The following PCDH15 variants were observed in gnomAD, a reference collection of about 807,000 sequenced individuals.
The protein encoded by PCDH15 is protocadherin-15.
A neutral mutation model predicts 178.5 loss-of-function variants in PCDH15; 129 were observed. The ratio of observed to expected loss-of-function variants is 0.72; its 90% CI spans 0.63 to 0.84. PCDH15 has a LOEUF of 0.84. Among genes scored for constraint, PCDH15 ranks in the 40% least tolerant of loss-of-function variants. PCDH15 has a pLI of 0.00. For synonymous variants in PCDH15, 800 were observed against 732.0 expected (o/e 1.09, Z -1.50); for missense variants, 2,230 against 2,099.9 (o/e 1.06, Z -1.21).
chr10:53,849,602 T>C (rs185828128), intron 28 of PCDH15, among the ~76,000 whole-genome samples: 45 of 152,216 alleles, frequency 3.0e-4, no homozygotes, highest in African/African-American at 1.1e-3. Context: ...CGGTGGCTCA[T>C]GCCTGTAATC....
chr10:54,751,635 A>G (rs1455005659), intron 1 of PCDH15, among the ~76,000 whole-genome samples: 1 of 152,216 alleles, frequency 6.6e-6, no homozygotes, highest in Non-Finnish European at 1.5e-5. Context: ...AGAAAATTTC[A>G]AAGTTCAGAC....
At chr10:54,153,546 G>A (rs1238401809) in intron 13 of PCDH15, among the ~76,000 whole-genome samples, 2 of 152,060 alleles carry the variant, frequency 1.3e-5, no homozygotes, top group African/African-American at 4.8e-5. Flanking sequence ...TTTGGATCTT[G>A]AAGGCTTATC....
chr10:55,158,455 T>G (rs952498260), intron 2 of PCDH15, among the ~76,000 whole-genome samples: 5 of 151,972 alleles, frequency 3.3e-5, no homozygotes, highest in Non-Finnish European at 7.4e-5. Context: ...GAAATCTTCA[T>G]TCTTAATGAC....
At chr10:55,357,258 A>G (rs115793711) in intron 2 of PCDH15, among the ~76,000 whole-genome samples, 3,230 of 152,090 alleles carry the variant, frequency 0.021, 120 homozygotes, top group African/African-American at 0.073. Context: ...AATATACAAC[A>G]AAAGTATTTA....
intron 8 of PCDH15, among the ~76,000 whole-genome samples, chr10:54,285,154 G>A (rs981342500): frequency 3.9e-5 from 6 of 151,968 alleles, no homozygotes; most frequent in Non-Finnish European, 1.5e-5. Context: ...CATTTGAGAA[G>A]TCAACCATAT....
At chr10:55,125,882 C>A (rs1837886979) in intron 2 of PCDH15, among the ~76,000 whole-genome samples, 1 of 152,088 alleles carries the variant, frequency 6.6e-6, no homozygotes, top group Non-Finnish European at 1.5e-5. Context: ...CTTTCGCCAT[C>A]CATTTCATGA....
chr10:54,112,944 A>T (rs1408881030), intron 15 of PCDH15, among the ~76,000 whole-genome samples: 2 of 152,162 alleles, frequency 1.3e-5, no homozygotes, highest in Non-Finnish European at 1.5e-5. Context: ...TCTTGAGAAA[A>T]GTTTGGTATT....
chr10:54,070,306 C>A (rs1396133593), intron 17 of PCDH15, among the ~76,000 whole-genome samples: 2 of 151,882 alleles, frequency 1.3e-5, no homozygotes, highest in Admixed American at 6.6e-5. Flanking sequence ...CAGGTTTAAA[C>A]AATTCTCCTG....
chr10:55,439,095 G>T (rs2132066404), intron 2 of PCDH15, among the ~76,000 whole-genome samples: 1 of 152,048 alleles, frequency 6.6e-6, no homozygotes, highest in East Asian at 1.9e-4. Flanking sequence ...AGTAGAGATA[G>T]GGTTTCACTG....
chr10:54,934,920 T>C (rs1837868059), intron 2 of PCDH15, among the ~76,000 whole-genome samples: 1 of 152,020 alleles, frequency 6.6e-6, no homozygotes, highest in Non-Finnish European at 1.5e-5. Flanking sequence ...TGAGTTCATG[T>C]CCTTTGAAGG....
At chr10:53,868,177 T>C (rs1252477761) in intron 26 of PCDH15, among the ~76,000 whole-genome samples, 3 of 152,080 alleles carry the variant, frequency 2.0e-5, no homozygotes, top group African/African-American at 7.2e-5. Context: ...ACCTTATTCA[T>C]GATACTAGAT....
intron 1 of PCDH15, among the ~76,000 whole-genome samples, chr10:55,269,829 C>A (rs1205390718): frequency 6.6e-6 from 1 of 152,010 alleles, no homozygotes; most frequent in East Asian, 1.9e-4. Flanking sequence ...ACAAAGCAAT[C>A]CTAAGCAAAA....
intron 10 of PCDH15, among the ~76,000 whole-genome samples, chr10:54,202,867 T>A (rs908740254): frequency 6.6e-6 from 1 of 151,640 alleles, no homozygotes; most frequent in Admixed American, 6.6e-5. Context: ...AGATTCTCGT[T>A]CATATGTTGA....
intron 3 of PCDH15, among the ~76,000 whole-genome samples, chr10:54,429,688 C>T (rs370817655): frequency 6.6e-6 from 1 of 152,076 alleles, no homozygotes; most frequent in Non-Finnish European, 1.5e-5. Flanking sequence ...AGTATCTATA[C>T]TCATATAAGA....
intron 2 of PCDH15, among the ~76,000 whole-genome samples, chr10:54,961,745 T>G (rs1436893810): frequency 6.6e-6 from 1 of 152,192 alleles, no homozygotes; most frequent in African/African-American, 2.4e-5. Flanking sequence ...ATGACCTGCC[T>G]GCAGAAAGGT....
chr10:54,702,250 T>G (rs1334746899), intron 1 of PCDH15, among the ~76,000 whole-genome samples: 1 of 151,932 alleles, frequency 6.6e-6, no homozygotes, highest in African/African-American at 2.4e-5. Context: ...AGGAATTATT[T>G]GAAATGAATA....
At chr10:55,316,094 T>C (rs905391242) in intron 1 of PCDH15, among the ~76,000 whole-genome samples, 5 of 152,156 alleles carry the variant, frequency 3.3e-5, no homozygotes, top group African/African-American at 1.2e-4. Flanking sequence ...TCTAAAAATG[T>C]TTTTTTGTAA....
At chr10:54,624,279 A>C (rs937965469) in intron 2 of PCDH15, among the ~76,000 whole-genome samples, 2 of 152,230 alleles carry the variant, frequency 1.3e-5, no homozygotes, top group Non-Finnish European at 2.9e-5. Context: ...GGAACAAAAA[A>C]GAAAAGGGAA....
intron 2 of PCDH15, among the ~76,000 whole-genome samples, chr10:55,339,054 G>T (rs1844479658): frequency 6.6e-6 from 1 of 152,096 alleles, no homozygotes; most frequent in South Asian, 2.1e-4. Context: ...TAGATAGCAT[G>T]AATAAGATTT....
Sources: gnomAD v4.1 joint callset for allele counts (sites outside exome capture counted in the v4.1 genomes callset) on GRCh38, gnomAD v4.1.1 for gene constraint, MANE v1.5 for transcripts, NCBI Gene and HGNC (gene_info 2026-07-23, HGNC 2026-07-21) for gene names.